Variants in CLCN3 observed in about 807,000 individuals in gnomAD.
CLCN3 encodes Cl-/H+ antiporter 3.
In CLCN3, 16 loss-of-function variants were observed where a neutral mutation model predicts 83.4. That is an observed-to-expected ratio of 0.19 (90% CI 0.13 to 0.29). The LOEUF (loss-of-function observed/expected upper bound fraction) is 0.29, where lower values mean the gene tolerates loss of function less well. CLCN3 is among the 10% of genes least tolerant of loss of function. The pLI, the probability that CLCN3 is intolerant of heterozygous loss-of-function variation, is 1.00. For missense variants in CLCN3, 544 were observed against 1,006.0 expected, an observed-to-expected ratio of 0.54 and a Z score of 6.21; for synonymous variants, 322 against 346.2, an observed-to-expected ratio of 0.93 and a Z score of 0.78.
chr4:169,709,308 C>T (rs188200192), intron 11 of CLCN3, among the ~76,000 whole-genome samples: 17 of 151,214 alleles, frequency 1.1e-4, no homozygotes, highest in African/African-American at 3.9e-4. Context: ...CATACTAAAG[C>T]AGAATGTTGT....
At chr4:169,704,281 G>A in intron 10 of CLCN3, 97 bp downstream of exon 10, 6 of 1,135,064 alleles carry the variant, frequency 5.3e-6, no homozygotes, top group Non-Finnish European at 7.7e-6. Flanking sequence ...GGGCGGATTG[G>A]TTGAGTAAAG....
At position 169,690,294 on chromosome 4, in the gene CLCN3, C is replaced by T. The variant is rs1371232386; in HGVS notation, c.607-236C>T. Among the ~76,000 whole-genome samples the T allele has an allele frequency of 5.9e-5, 9 of 151,760 alleles. No homozygotes were observed. The South Asian group carries it at 6.3e-4, about 11-fold the overall frequency. ...CCGAGTAGCTGGTATTACAGGCGTG[C>T]GCCACCATGCCCAGCTAATTTTTGT... On this transcript the variant is annotated intron_variant, in intron 5 of 12. Coordinates refer to ENST00000513761, the MANE Select transcript of CLCN3 (RefSeq NM_001829.4).
chr4:169,697,729 A>G lies in CLCN3; in HGVS notation c.1558A>G (p.Ile520Val). The change falls in exon 9 of 13, where the codon ATC (isoleucine) becomes GTC (valine). Residue 520 changes from isoleucine (I) to valine (V), a missense_variant. Ile to Val is a conservative substitution (Grantham distance 29). Transcript: ENST00000513761. ...KIIMTVFTFG[I>V]KVPSGLFIPS... ...CATAATGACAGTATTCACTTTTGGC[A>G]TCAAGGTAAGTGCTAATGTGAGGTG... The G allele has an allele frequency of 1.9e-6, 3 of 1,602,724 alleles. No homozygotes were observed. The highest frequency in any genetic ancestry group is 2.6e-6 in the Non-Finnish European group (3 of 1,174,970).
chr4:169,639,471 G>T (rs952537327), intron 2 of CLCN3, among the ~76,000 whole-genome samples: 3 of 152,212 alleles, frequency 2.0e-5, no homozygotes, highest in Admixed American at 2.0e-4. Context: ...ACCAAAAAAA[G>T]ATATCATTTT....
At chr4:169,684,890 A>G (rs1732094075) in intron 3 of CLCN3, among the ~76,000 whole-genome samples, 1 of 152,056 alleles carries the variant, frequency 6.6e-6, no homozygotes, top group Non-Finnish European at 1.5e-5. Flanking sequence ...ATCTCCAACA[A>G]TATGCCTACT....
intron 2 of CLCN3, among the ~76,000 whole-genome samples, chr4:169,649,003 G>C (rs907503405): frequency 2.7e-5 from 4 of 146,056 alleles, no homozygotes; most frequent in African/African-American, 1.0e-4. Context: ...TTCCAGCCTG[G>C]GTGATAAAGG....
chr4:169,675,932 CTA>C (rs1373176490), intron 2 of CLCN3, among the ~76,000 whole-genome samples: 1 of 152,136 alleles, frequency 6.6e-6, no homozygotes, highest in East Asian at 1.9e-4. Flanking sequence ...ATAGCTGTCT[CTA>C]TGGTTCTATG....
At chr4:169,648,395 T>G (rs751291176) in intron 2 of CLCN3, among the ~76,000 whole-genome samples, 3 of 152,192 alleles carry the variant, frequency 2.0e-5, no homozygotes, top group Non-Finnish European at 4.4e-5. Flanking sequence ...GGACTGGAGT[T>G]AACTTTTAAA....
chr4:169,659,973 A>G, intron 2 of CLCN3: 2 of 874,344 alleles, frequency 2.3e-6, no homozygotes, highest in Non-Finnish European at 2.7e-6. Context: ...TTATCTTAAA[A>G]CCAAAAGAAA....
At chr4:169,709,949 TTGTC>T (rs34892082) in intron 11 of CLCN3, among the ~76,000 whole-genome samples, 28,636 of 150,776 alleles carry the variant, frequency 0.19, 3,458 homozygotes, top group South Asian at 0.32. Context: ...AAAAAAAAAA[TTGTC>T]TGGGTGTGGT....
chr4:169,676,512 C>CTT (rs11445601), intron 2 of CLCN3, among the ~76,000 whole-genome samples: 8 of 147,644 alleles, frequency 5.4e-5, no homozygotes, highest in East Asian at 3.9e-4. Flanking sequence ...TTTTTCTTTT[C>CTT]TTTTTTTTTT....
chr4:169,637,982 A>G (rs1730277984), intron 2 of CLCN3, among the ~76,000 whole-genome samples: 3 of 152,110 alleles, frequency 2.0e-5, no homozygotes, highest in South Asian at 4.1e-4. Flanking sequence ...AATGCCCAGG[A>G]TATATATGAG....
Position 169,720,242 on chromosome 4 carries a change from T to A in CLCN3, c.*245T>A. 3.4e-6 allele frequency: 2 copies of A among 588,856 alleles called. No individual in the cohort carries two copies. Among genetic ancestry groups the A allele is most frequent in the South Asian group, 2.1e-5 (1 of 47,008 alleles). 36.5% of individuals were successfully genotyped at this position (588,856 alleles called of 1,614,324 possible). A position where few individuals can be genotyped will look rare whatever the true frequency, so the allele number is the denominator to read the frequency against. ...ATTTCCCGTCTAACAGAAAGCAGCG[T>A]ATCAACTCCTATTGTTCTGCACTGG... On this transcript the variant is annotated 3_prime_UTR_variant, in exon 13 of 13. Coordinates refer to ENST00000513761, the MANE Select transcript of CLCN3 (RefSeq NM_001829.4).
chr4:169,688,302 C>CTA (rs1341161754), intron 4 of CLCN3, among the ~76,000 whole-genome samples: 4 of 152,178 alleles, frequency 2.6e-5, no homozygotes, highest in African/African-American at 9.7e-5. Flanking sequence ...CATCACCCTG[C>CTA]TATACAGCGT....
At chr4:169,686,883 A>G (rs111630752) in intron 3 of CLCN3, among the ~76,000 whole-genome samples, 1 of 152,126 alleles carries the variant, frequency 6.6e-6, no homozygotes, top group Non-Finnish European at 1.5e-5. Context: ...TTAATCTCCT[A>G]ACTTCCTACA....
chr4:169,624,837 G>A (rs895266015), intron 1 of CLCN3, among the ~76,000 whole-genome samples: 4 of 151,878 alleles, frequency 2.6e-5, no homozygotes, highest in African/African-American at 9.7e-5. Flanking sequence ...TGTTGCCCAG[G>A]CTGGAGTGCA....
chr4:169,651,852 C>G (rs572357026), intron 2 of CLCN3, among the ~76,000 whole-genome samples: 1 of 152,062 alleles, frequency 6.6e-6, no homozygotes, highest in Non-Finnish European at 1.5e-5. Flanking sequence ...GAGGAAATTC[C>G]TTGGAAAAAC....
At chr4:169,654,912 CCTT>C (rs1311360782) in intron 2 of CLCN3, among the ~76,000 whole-genome samples, 4 of 152,036 alleles carry the variant, frequency 2.6e-5, no homozygotes, top group Non-Finnish European at 5.9e-5. Context: ...TGATTATTCT[CCTT>C]GTTTGTTTCT....
Position 169,722,104 on chromosome 4 carries a change from C to T in CLCN3, c.*2107C>T, listed in dbSNP as rs1733658063. The stretch of plus-strand genomic sequence containing the variant: ...AAGTGGTGGAATTACAGGCGTGGGC[C>T]ACTGCGCCTGGCCCAGACAGACATT... On this transcript the variant is annotated 3_prime_UTR_variant, in exon 13 of 13. Transcript: ENST00000513761. The T allele has an allele frequency of 6.6e-6, 1 of 152,230 alleles. No individual in the cohort carries two copies. 9.4% of individuals were successfully genotyped at this position (152,230 alleles called of 1,614,324 possible).
Sources: gnomAD v4.1 joint callset for allele counts (sites outside exome capture counted in the v4.1 genomes callset) on GRCh38, gnomAD v4.1.1 for gene constraint, MANE v1.5 for transcripts, NCBI Gene and HGNC (gene_info 2026-07-23, HGNC 2026-07-21) for gene names.